Variants in RLF observed in about 807,000 individuals in gnomAD.
RLF encodes the protein RLF zinc finger.
In RLF, 7 loss-of-function variants were observed where a neutral mutation model predicts 162.9. That is an observed-to-expected ratio of 0.04 (90% CI 0.02 to 0.08). The LOEUF is 0.08. RLF is among the 10% of genes least tolerant of loss of function. The pLI is 1.00. For synonymous variants in RLF, 782 were observed against 791.5 expected (o/e 0.99, Z 0.20); for missense variants, 1,664 against 2,244.7 (o/e 0.74, Z 5.23).
intron 5 of RLF, among the ~76,000 whole-genome samples, chr1:40,213,183 C>T (rs954187): frequency 1.3e-5 from 2 of 152,292 alleles, no homozygotes; most frequent in South Asian, 4.1e-4. Flanking sequence ...ATTTTATCTC[C>T]TAAAGCACAG....
intron 3 of RLF, among the ~76,000 whole-genome samples, chr1:40,192,400 T>G (rs1283972271): frequency 6.6e-6 from 1 of 152,198 alleles, no homozygotes; most frequent in Admixed American, 6.5e-5. Flanking sequence ...TCAGCATCCC[T>G]AATCTGAAAA....
rs2124564631 is a variant in RLF, at chr1:40,240,058, G to T, written c.5356G>T (p.Asp1786Tyr). 6.2e-7 allele frequency: 1 copy of T among 1,614,116 alleles called. No individual in the cohort carries two copies. The highest frequency in any genetic ancestry group is 1.1e-5 in the South Asian group (1 of 91,068). ...TCAGGAAAGTGAAGAGAAAGAAGAT[G>T]ATTTTGATGATTGGGAGCCTTCAGA... ...FIQESEEKED[D>Y]FDDWEPSEHL... Residue 1786 changes from aspartate to tyrosine, a missense_variant, in exon 8 of 8, where the codon GAT (aspartate) becomes TAT (tyrosine). By Grantham distance (160) the Asp-to-Tyr change is radical (BLOSUM62 -3). Coordinates refer to ENST00000372771, the MANE Select transcript of RLF (RefSeq NM_012421.4).
At chr1:40,200,085 C>T (rs1192500496) in intron 4 of RLF, among the ~76,000 whole-genome samples, 1 of 152,140 alleles carries the variant, frequency 6.6e-6, no homozygotes, top group African/African-American at 2.4e-5. Flanking sequence ...TGTTTTCCCT[C>T]CATGCTTTTT....
chr1:40,191,452 C>T (rs1052355727), intron 3 of RLF, among the ~76,000 whole-genome samples: 17 of 151,788 alleles, frequency 1.1e-4, no homozygotes, highest in Non-Finnish European at 2.2e-4. Flanking sequence ...GCAGGATAAT[C>T]GCTTGAACCC....
intron 5 of RLF, among the ~76,000 whole-genome samples, chr1:40,219,607 T>A (rs1375834109): frequency 6.6e-6 from 1 of 152,184 alleles, no homozygotes; most frequent in Non-Finnish European, 1.5e-5. Context: ...CACTATAAAC[T>A]AGTTCCGCCT....
intron 1 of RLF, among the ~76,000 whole-genome samples, chr1:40,177,044 A>G (rs920970116): frequency 5.3e-5 from 8 of 150,826 alleles, no homozygotes; most frequent in South Asian, 4.2e-4. Flanking sequence ...CAGGAGTGCA[A>G]TGGCGCGACC....
In RLF at chr1:40,235,837, G is replaced by A; in HGVS notation, c.1135G>A (p.Ala379Thr). 6.2e-7 allele frequency: 1 copy of A among 1,612,616 alleles called. No individual in the cohort carries two copies. The highest frequency in any genetic ancestry group is 1.1e-5 in the South Asian group (1 of 90,682). The change falls in exon 8 of 8, where the codon GCT becomes ACT. Residue 379 changes from alanine (A) to threonine (T), a missense_variant. Transcript: ENST00000372771. ...GGTGTCAATTTTACTGTGTGTCAGA[G>A]CTCTTCAACTCAGATCAAGTGAAGA... ...LGVSILLCVRALQLRSSEDEE... is the reference protein window; with the variant it reads ...LGVSILLCVRTLQLRSSEDEE...
intron 5 of RLF, among the ~76,000 whole-genome samples, chr1:40,205,060 C>G (rs1157708833): frequency 6.6e-6 from 1 of 152,234 alleles, no homozygotes; most frequent in Non-Finnish European, 1.5e-5. Flanking sequence ...GATAATGCTA[C>G]AGCAGTTCTC....
At chr1:40,181,526 G>A (rs1347578003) in intron 1 of RLF, among the ~76,000 whole-genome samples, 1 of 152,102 alleles carries the variant, frequency 6.6e-6, no homozygotes, top group Non-Finnish European at 1.5e-5. Context: ...ACATATACAA[G>A]GATTTATTTC....
chr1:40,203,686 T>A (rs1642750379), intron 5 of RLF, among the ~76,000 whole-genome samples: 1 of 152,214 alleles, frequency 6.6e-6, no homozygotes, highest in East Asian at 1.9e-4. Context: ...TCTTAAGCTT[T>A]ATTTCATCAT....
intron 5 of RLF, among the ~76,000 whole-genome samples, chr1:40,205,318 A>G (rs1166633520): frequency 6.6e-6 from 1 of 152,150 alleles, no homozygotes; most frequent in Non-Finnish European, 1.5e-5. Context: ...CCTGGGCAAC[A>G]GAACAACAGA....
intron 4 of RLF, 80 bp from the exon 5 acceptor site, chr1:40,202,332 A>G: frequency 1.1e-6 from 1 of 875,984 alleles, no homozygotes; most frequent in Non-Finnish European, 1.7e-6. Flanking sequence ...TCAAATAAAA[A>G]GATCTCAAAC....
At chr1:40,222,478 C>A (rs962849131) in intron 5 of RLF, 96 bp from the exon 6 acceptor site, 19 of 1,107,052 alleles carry the variant, frequency 1.7e-5, no homozygotes, top group Non-Finnish European at 2.1e-5. Context: ...AATTATGTCT[C>A]TAATTTTTGC....
chr1:40,195,582 T>C, intron 3 of RLF, 50 bp from the exon 4 acceptor site: 1 of 1,532,976 alleles, frequency 6.5e-7, no homozygotes, highest in Non-Finnish European at 8.8e-7. Flanking sequence ...AAGGCAAAAC[T>C]AATTTTTATA....
In RLF at chr1:40,239,722, T is replaced by G. The variant is rs1161819528; in HGVS notation, c.5020T>G (p.Cys1674Gly). 3 of 1,614,112 alleles carry G rather than the reference T, an allele frequency of 1.9e-6. No individual in the cohort carries two copies. The East Asian group carries it at 6.7e-5, about 36-fold the overall frequency. Residue 1674 changes from cysteine to glycine, a missense_variant, in exon 8 of 8, where the codon TGT becomes GGT. Cys to Gly is a radical substitution (Grantham distance 159, BLOSUM62 -3). Around this residue, in one of 15 missense-constraint regions of RLF, gnomAD observed 327 missense variants for 342.7 expected, o/e 0.95. Coordinates refer to ENST00000372771, the MANE Select transcript of RLF (RefSeq NM_012421.4). Reference protein sequence around the residue: ...DTLLYRGTLKCNHSSKTTSLE... With the variant: ...DTLLYRGTLKGNHSSKTTSLE... ...TCTGCTCTACAGGGGAACTTTGAAA[T>G]GTAATCATAGTTCCAAAACCACTTC... is the stretch of plus-strand genomic sequence containing the variant.
intron 6 of RLF, among the ~76,000 whole-genome samples, chr1:40,224,622 G>GTTTTT (rs1557757506): frequency 3.0e-4 from 4 of 13,516 alleles, no homozygotes; most frequent in Non-Finnish European, 4.3e-4. Flanking sequence ...GTTTTTGAAA[G>GTTTTT]CTTTTTTTTT....
At chr1:40,197,301 T>G (rs149683741) in intron 4 of RLF, among the ~76,000 whole-genome samples, 6 of 152,236 alleles carry the variant, frequency 3.9e-5, no homozygotes, top group African/African-American at 1.4e-4. Context: ...ATTGAGGTCC[T>G]CAATAAACGG....
intron 6 of RLF, among the ~76,000 whole-genome samples, chr1:40,226,466 A>T (rs1194541879): frequency 6.6e-6 from 1 of 152,218 alleles, no homozygotes; most frequent in Non-Finnish European, 1.5e-5. Flanking sequence ...TAATGTGCTA[A>T]GCTTAAATTT....
chr1:40,225,578 CAAAA>C (rs537934926), intron 6 of RLF, among the ~76,000 whole-genome samples: 136 of 83,048 alleles, frequency 1.6e-3, no homozygotes, highest in Non-Finnish European at 2.6e-3. Flanking sequence ...GACTCTGTCT[CAAAA>C]AAAAAAAAAA....
Sources: allele counts gnomAD v4.1 joint callset (sites outside exome capture counted in the v4.1 genomes callset), GRCh38; gene constraint gnomAD v4.1.1; regional missense constraint gnomAD v4.1.1; transcripts MANE v1.5; gene names NCBI Gene and HGNC (gene_info 2026-07-23, HGNC 2026-07-21).